The following DOCK1 variants were observed in gnomAD, a reference collection of about 807,000 sequenced individuals.
The protein encoded by DOCK1 is dedicator of cytokinesis 1.
Under a neutral mutation model 262.7 loss-of-function variants are expected in DOCK1, and 138 were observed. The ratio of observed to expected loss-of-function variants is 0.53; its 90% CI spans 0.46 to 0.61. DOCK1 has a LOEUF of 0.61. DOCK1 is among the 20% of genes least tolerant of loss of function. DOCK1 has a pLI of 0.00. For missense variants in DOCK1, 1,908 were observed against 2,370.7 expected (o/e 0.80, Z 4.05); for synonymous variants, 866 against 867.4 (o/e 1.00, Z 0.03).
At chr10:127,341,804 A>G (rs1287406754) in intron 30 of DOCK1, among the ~76,000 whole-genome samples, 1 of 152,176 alleles carries the variant, frequency 6.6e-6, no homozygotes, top group Non-Finnish European at 1.5e-5. Context: ...GGCAGGTGTG[A>G]CACACATATT....
At chr10:127,443,991 T>C in intron 49 of DOCK1, 135 bp from the exon 50 acceptor site, 1 of 1,193,008 alleles carries the variant, frequency 8.4e-7, no homozygotes, top group Middle Eastern at 2.0e-4. Flanking sequence ...CTTGATCATT[T>C]GCAAAGACCC....
chr10:127,003,467 C>T (rs2040753444), intron 10 of DOCK1, among the ~76,000 whole-genome samples: 1 of 152,182 alleles, frequency 6.6e-6, no homozygotes, highest in African/African-American at 2.4e-5. Flanking sequence ...GTTGCCGGGT[C>T]CTTTGAGTTC....
chr10:127,237,838 T>C (rs2059126733), intron 27 of DOCK1, among the ~76,000 whole-genome samples: 1 of 152,242 alleles, frequency 6.6e-6, no homozygotes, highest in African/African-American at 2.4e-5. Context: ...ATTGTTGTCA[T>C]ATAAGTCTTC....
chr10:127,132,477 G>A (rs941699250), intron 27 of DOCK1, among the ~76,000 whole-genome samples: 3 of 152,178 alleles, frequency 2.0e-5, no homozygotes, highest in Non-Finnish European at 4.4e-5. Context: ...AGCATGGAGT[G>A]AAATACTTAT....
intron 30 of DOCK1, among the ~76,000 whole-genome samples, chr10:127,343,343 A>G (rs1439406568): frequency 1.3e-5 from 2 of 152,208 alleles, no homozygotes; most frequent in African/African-American, 4.8e-5. Flanking sequence ...GAGCACTCCT[A>G]TAAGATAGAT....
chr10:127,278,833 G>A (rs1432344954), intron 29 of DOCK1, among the ~76,000 whole-genome samples: 1 of 152,196 alleles, frequency 6.6e-6, no homozygotes, highest in East Asian at 1.9e-4. Flanking sequence ...TGACAAGCAG[G>A]GGATCAGAGT....
chr10:127,263,351 A>AC (rs2060242541), intron 29 of DOCK1, among the ~76,000 whole-genome samples: 1 of 127,606 alleles, frequency 7.8e-6, no homozygotes, highest in South Asian at 2.4e-4. Context: ...GTATATATAG[A>AC]TTGCCTCTTA....
At chr10:127,262,000 T>G (rs569059208) in intron 29 of DOCK1, among the ~76,000 whole-genome samples, 2 of 109,052 alleles carry the variant, frequency 1.8e-5, no homozygotes, top group Non-Finnish European at 3.6e-5. Flanking sequence ...GTACCCATGC[T>G]CATCTGTTTG....
At chr10:127,378,199 C>T (rs1472307158) in intron 35 of DOCK1, among the ~76,000 whole-genome samples, 1 of 152,094 alleles carries the variant, frequency 6.6e-6, no homozygotes, top group African/African-American at 2.4e-5. Context: ...TCTTCATAGC[C>T]CCTTGGCAAG....
chr10:127,113,739 A>G (rs1017598839), intron 25 of DOCK1, among the ~76,000 whole-genome samples: 2 of 152,132 alleles, frequency 1.3e-5, no homozygotes, highest in African/African-American at 2.4e-5. Flanking sequence ...GGTCCAGTCC[A>G]TGTGGGACTG....
chr10:126,932,324 G>A (rs2034246408), intron 1 of DOCK1, among the ~76,000 whole-genome samples: 1 of 152,208 alleles, frequency 6.6e-6, no homozygotes. Flanking sequence ...GGACGATTAT[G>A]AGTTCAAGCC....
At chr10:127,138,991 G>A (rs944300046) in intron 27 of DOCK1, among the ~76,000 whole-genome samples, 2 of 152,112 alleles carry the variant, frequency 1.3e-5, no homozygotes, top group African/African-American at 4.8e-5. Context: ...TCTGCATTGA[G>A]GAGTTCTGCT....
intron 48 of DOCK1, among the ~76,000 whole-genome samples, chr10:127,434,091 C>T (rs1358433643): frequency 2.0e-5 from 3 of 152,040 alleles, no homozygotes; most frequent in Admixed American, 2.0e-4. Flanking sequence ...CCCTGTGACA[C>T]CATTCTGCCA....
intron 32 of DOCK1, among the ~76,000 whole-genome samples, chr10:127,358,890 G>C (rs560050261): frequency 8.5e-5 from 13 of 152,188 alleles, no homozygotes; most frequent in African/African-American, 3.1e-4. Context: ...GGCTTCGTGA[G>C]AAAACAAGAT....
At chr10:127,192,580 G>T (rs772611408) in intron 27 of DOCK1, 2 of 152,190 alleles carry the variant, frequency 1.3e-5, no homozygotes, top group African/African-American at 2.4e-5. Flanking sequence ...CGACTCAAAT[G>T]CACACTGAAT....
intron 27 of DOCK1, among the ~76,000 whole-genome samples, chr10:127,174,203 C>T (rs903845490): frequency 1.3e-5 from 2 of 152,188 alleles, no homozygotes; most frequent in African/African-American, 4.8e-5. Context: ...GCTCAGGGCT[C>T]GCAGAGTGAA....
intron 1 of DOCK1, among the ~76,000 whole-genome samples, chr10:126,958,139 A>G (rs2036897015): frequency 6.6e-6 from 1 of 152,220 alleles, no homozygotes; most frequent in Admixed American, 6.5e-5. Flanking sequence ...GTATAGAATT[A>G]TATAAAAGTC....
chr10:127,436,582 C>A (rs2069701389), intron 48 of DOCK1, among the ~76,000 whole-genome samples: 1 of 152,072 alleles, frequency 6.6e-6, no homozygotes, highest in South Asian at 2.1e-4. Flanking sequence ...GGCCCCCATG[C>A]CCCATCATGC....
At chr10:127,267,517 G>A (rs911537192) in intron 29 of DOCK1, among the ~76,000 whole-genome samples, 3 of 152,188 alleles carry the variant, frequency 2.0e-5, no homozygotes, top group African/African-American at 7.2e-5. Flanking sequence ...TCTCAAAGGA[G>A]TGGCAGTGAT....
Sources: allele counts gnomAD v4.1 joint callset (sites outside exome capture counted in the v4.1 genomes callset), GRCh38; gene constraint gnomAD v4.1.1; transcripts MANE v1.5; gene names NCBI Gene and HGNC (gene_info 2026-07-23, HGNC 2026-07-21).